ALMS1: variants seen among roughly 807,000 people sequenced by gnomAD.
The protein encoded by ALMS1 is centrosome-associated protein ALMS1.
In ALMS1, 271 loss-of-function variants were observed where a neutral mutation model predicts 352.2. That is an observed-to-expected ratio of 0.77 (90% CI 0.70 to 0.85). The LOEUF (loss-of-function observed/expected upper bound fraction) is 0.85, where lower values mean the gene tolerates loss of function less well. Ranked by LOEUF, ALMS1 falls within the 40% of genes least tolerant of loss-of-function variation. The pLI, the probability that ALMS1 is intolerant of heterozygous loss-of-function variation, is 0.00. For synonymous variants in ALMS1, 1,865 were observed against 1,761.2 expected (o/e 1.06, Z -1.48); for missense variants, 5,445 against 4,870.7 (o/e 1.12, Z -3.51).
At chr2:73,492,040 A>G (rs1276591916) in intron 10 of ALMS1, among the ~76,000 whole-genome samples, 1 of 152,234 alleles carries the variant, frequency 6.6e-6, no homozygotes, top group Non-Finnish European at 1.5e-5. Context: ...ATCTGTCAAC[A>G]TAATGTGCTC....
chr2:73,562,196 C>G lies in ALMS1; in HGVS notation c.10384+3054C>G, dbSNP rs1573022228. On this transcript the variant is annotated intron_variant, in intron 15 of 22. Coordinates refer to ENST00000613296, the MANE Select transcript of ALMS1 (RefSeq NM_001378454.1). ...GTATGTATTTTTAGACATGGAGTCT[C>G]ATTCTGTTGCCCAGGCTGGAGTGCA... Among the ~76,000 whole-genome samples the G allele has an allele frequency of 2.0e-5, 3 of 152,118 alleles. No homozygotes were observed. In the East Asian group the frequency reaches 5.8e-4, roughly 29 times the overall value.
chr2:73,410,763 G>C (rs1671060885), intron 2 of ALMS1, among the ~76,000 whole-genome samples: 1 of 152,110 alleles, frequency 6.6e-6, no homozygotes, highest in African/African-American at 2.4e-5. Context: ...ATCATGAGCA[G>C]ATAGGAAAAA....
intron 15 of ALMS1, among the ~76,000 whole-genome samples, chr2:73,565,589 T>C (rs1674785053): frequency 1.3e-5 from 2 of 151,942 alleles, no homozygotes; most frequent in South Asian, 2.1e-4. Context: ...TTCCAAAGAG[T>C]GTATTTTTAT....
intron 13 of ALMS1, among the ~76,000 whole-genome samples, chr2:73,551,314 G>A (rs1248134357): frequency 6.6e-6 from 1 of 151,928 alleles, no homozygotes; most frequent in Non-Finnish European, 1.5e-5. Context: ...CCCCCTGCAG[G>A]CAGGACATCC....
At chr2:73,425,472 A>G (rs777774586) in intron 5 of ALMS1, among the ~76,000 whole-genome samples, 2 of 152,180 alleles carry the variant, frequency 1.3e-5, no homozygotes, top group Non-Finnish European at 2.9e-5. Flanking sequence ...TTGGATTGTT[A>G]TATCCAACTT....
At chr2:73,499,007 T>A (rs1673166998) in intron 10 of ALMS1, among the ~76,000 whole-genome samples, 1 of 152,156 alleles carries the variant, frequency 6.6e-6, no homozygotes, top group Non-Finnish European at 1.5e-5. Context: ...TTAGTTTTTT[T>A]AAGGAACCTC....
chr2:73,575,467 A>G (rs1159563717), intron 16 of ALMS1, among the ~76,000 whole-genome samples: 1 of 152,170 alleles, frequency 6.6e-6, no homozygotes, highest in African/African-American at 2.4e-5. Flanking sequence ...ATTTTATTGC[A>G]TCCTTGCCAA....
intron 9 of ALMS1, among the ~76,000 whole-genome samples, chr2:73,456,536 C>T (rs1479895735): frequency 6.6e-6 from 1 of 152,130 alleles, no homozygotes. Flanking sequence ...CAGTAACTGG[C>T]AGCTATTATT....
intron 7 of ALMS1, 120 bp downstream of exon 7, chr2:73,432,411 A>T: frequency 1.4e-6 from 1 of 694,234 alleles, no homozygotes; most frequent in Non-Finnish European, 2.5e-6. Flanking sequence ...TTCAGATTAG[A>T]TGTGTTTATA....
chr2:73,563,109 A>C (rs1674699006), intron 15 of ALMS1, among the ~76,000 whole-genome samples: 1 of 151,686 alleles, frequency 6.6e-6, no homozygotes, highest in Non-Finnish European at 1.5e-5. Flanking sequence ...AAAAAAAAAA[A>C]CTTCTTGGAT....
chr2:73,608,680 T>TCTAAGTTCATTCCTCAAA, intron 22 of ALMS1, 106 bp downstream of exon 22: 1 of 881,112 alleles, frequency 1.1e-6, no homozygotes. Context: ...TGAACCGCAT[T>TCTAAGTTCATTCCTCAAA]TGAGGAATGA....
chr2:73,539,614 T>A (rs1348533051), intron 12 of ALMS1, among the ~76,000 whole-genome samples: 1 of 151,966 alleles, frequency 6.6e-6, no homozygotes, highest in Admixed American at 6.6e-5. Context: ...GGCAAAGAAG[T>A]TAAAAACCTT....
intron 1 of ALMS1, among the ~76,000 whole-genome samples, chr2:73,391,712 T>C (rs923640885): frequency 2.0e-5 from 3 of 152,232 alleles, no homozygotes; most frequent in Non-Finnish European, 2.9e-5. Flanking sequence ...TATTTGATAA[T>C]GGTTTTAAAT....
At chr2:73,423,490 T>G (rs1671321682) in intron 4 of ALMS1, among the ~76,000 whole-genome samples, 1 of 152,188 alleles carries the variant, frequency 6.6e-6, no homozygotes. Context: ...ATTCATGTCC[T>G]TTAGAATAGT....
chr2:73,465,557 C>T (rs1208928512), intron 9 of ALMS1, among the ~76,000 whole-genome samples: 1 of 152,164 alleles, frequency 6.6e-6, no homozygotes, highest in African/African-American at 2.4e-5. Flanking sequence ...CTAGGCAATA[C>T]CATTCAGGAC....
rs1366937479 is a variant in ALMS1 at position 73,551,501 on chromosome 2, A to T, written c.10078+1064A>T. Among the ~76,000 whole-genome samples, 33 of 128,456 alleles carry T rather than the reference A, an allele frequency of 2.6e-4. No individual in the cohort carries two copies. The Admixed American group carries it at 3.4e-3, about 13-fold the overall frequency. 84.3% of individuals were successfully genotyped at this position (128,456 alleles called of 152,430 possible). On this transcript the variant is annotated intron_variant, in intron 13 of 22. Transcript: ENST00000613296. ...GCCCAGGGTGGAGTGCGATGGCGCG[A>T]TCTTGGCACACTGCAACCTTCACCT...
In ALMS1 at chr2:73,453,277, G is replaced by A; in HGVS notation, c.6750G>A (p.Gln2250=). 6.2e-7 allele frequency: 1 copy of A among 1,613,952 alleles called. No homozygotes were observed. The highest frequency in any genetic ancestry group is 8.5e-7 in the Non-Finnish European group (1 of 1,179,970). ...GAGATGTTGGCTCTGAAGAAATCCA[G>A]GATGCAGAAAATAGTGCTAAAACTC... The part of the protein sequence containing the change: ...GFRDVGSEEI[Q]DAENSAKTLK... The change falls in exon 8 of 23, where the codon CAG becomes CAA. Residue 2250 remains glutamine (Q), a synonymous_variant. Coordinates refer to ENST00000613296, the MANE Select transcript of ALMS1 (RefSeq NM_001378454.1).
chr2:73,426,661 A>C, intron 6 of ALMS1, 108 bp downstream of exon 6: 1 of 1,115,266 alleles, frequency 9.0e-7, no homozygotes, highest in Non-Finnish European at 1.3e-6. Context: ...TCCTGGGTAC[A>C]TGACCAATGT....
At chr2:73,511,477 C>T (rs1310659463) in intron 10 of ALMS1, among the ~76,000 whole-genome samples, 1 of 152,128 alleles carries the variant, frequency 6.6e-6, no homozygotes, top group African/African-American at 2.4e-5. Flanking sequence ...CCTGCTGCTG[C>T]TCACCCTCTG....
Sources: allele counts gnomAD v4.1 joint callset (sites outside exome capture counted in the v4.1 genomes callset), GRCh38; gene constraint gnomAD v4.1.1; transcripts MANE v1.5; gene names NCBI Gene and HGNC (gene_info 2026-07-23, HGNC 2026-07-21).